The following ZNF90 variants were observed in gnomAD, a reference collection of about 807,000 sequenced individuals.
ZNF90 encodes the protein zinc finger protein HTF9.
ZNF90 carries 11 observed loss-of-function variants against 12.0 expected under a neutral mutation model. The observed-to-expected ratio is 0.92, with a 90% CI of 0.58 to 1.52. ZNF90 has a LOEUF of 1.52. Among genes scored for constraint, ZNF90 ranks in the 40% most tolerant of loss-of-function variants. The probability of loss-of-function intolerance (pLI) is 0.00; values close to 1 mark genes in which losing one functional copy is unlikely to be tolerated. For synonymous variants in ZNF90, 232 were observed against 240.1 expected (o/e 0.97, Z 0.31); for missense variants, 765 against 711.5 (o/e 1.08, Z -0.86).
chr19:20,110,817 C>G (rs2089082426), intron 3 of ZNF90, among the ~76,000 whole-genome samples: 2 of 151,976 alleles, frequency 1.3e-5, no homozygotes, highest in African/African-American at 2.4e-5. Flanking sequence ...AATGCTTTTT[C>G]TCATTTGTGT....
chr19:20,117,399 C>G (rs2089148623), intron 3 of ZNF90, among the ~76,000 whole-genome samples: 1 of 136,252 alleles, frequency 7.3e-6, no homozygotes, highest in Non-Finnish European at 1.5e-5. Flanking sequence ...TTTCTTTTCT[C>G]CTTCCTTCCT....
Position 20,118,342 on chromosome 19 carries a change from G to T in ZNF90, c.788G>T (p.Gly263Val), listed in dbSNP as rs1256396883. 1.3e-6 allele frequency: 2 copies of T among 1,558,868 alleles called. No individual in the cohort carries two copies. Among genetic ancestry groups the T allele is most frequent in the African/African-American group, 2.7e-5 (2 of 73,160 alleles). ...AAACGGTACAAATGTGAAGATTGTG[G>T]CAAAGAATTAAAGTATTCCTCTACC... ...GEKRYKCEDC[G>V]KELKYSSTLT... Residue 263 changes from glycine (G) to valine (V), a missense_variant, in exon 4 of 4, where the codon GGC becomes GTC. Gly to Val is a moderately radical substitution (Grantham distance 109). Coordinates refer to ENST00000418063, the MANE Select transcript of ZNF90 (RefSeq NM_007138.2).
At chr19:20,091,474 T>A (rs578220701) in intron 1 of ZNF90, among the ~76,000 whole-genome samples, 1 of 152,124 alleles carries the variant, frequency 6.6e-6, no homozygotes, top group Non-Finnish European at 1.5e-5. Flanking sequence ...ATTTGCCTTG[T>A]GTGGGAAGAG....
intron 1 of ZNF90, 68 bp downstream of exon 1, chr19:20,078,203 G>C (rs2088792126): frequency 1.2e-6 from 2 of 1,606,430 alleles, no homozygotes; most frequent in African/African-American, 2.7e-5. Flanking sequence ...AAGTGGCTGT[G>C]GCGGGACTTA....
Position 20,104,369 on chromosome 19 carries a change from A to T in ZNF90, c.130+4A>T. On this transcript the variant is annotated splice_donor_region_variant and intron_variant, in intron 2 of 3. Transcript: ENST00000418063. ...TACAGACACCTGGTCTTCCTTGGTG[A>T]GGATAAGTGGAATACATAATTCATA... The T allele has an allele frequency of 6.2e-7, 1 of 1,610,964 alleles. No individual in the cohort carries two copies. The highest frequency in any genetic ancestry group is 2.2e-5 in the East Asian group (1 of 44,796).
At chr19:20,115,693 GT>G (rs2089131223) in intron 3 of ZNF90, among the ~76,000 whole-genome samples, 2 of 151,552 alleles carry the variant, frequency 1.3e-5, no homozygotes, top group Non-Finnish European at 2.9e-5. Context: ...TAGTTTGTTT[GT>G]TCAGCTTTTT....
intron 1 of ZNF90, among the ~76,000 whole-genome samples, chr19:20,097,991 G>T (rs1336811470): frequency 2.6e-5 from 4 of 152,074 alleles, no homozygotes; most frequent in African/African-American, 9.7e-5. Flanking sequence ...AAATCTTCTT[G>T]TAACTGCTGC....
intron 3 of ZNF90, among the ~76,000 whole-genome samples, chr19:20,114,230 G>A (rs1035690658): frequency 2.6e-5 from 4 of 152,214 alleles, no homozygotes; most frequent in Admixed American, 2.6e-4. Flanking sequence ...AGTGGAGGTT[G>A]CAGTGAACCG....
rs150881511 is a variant in ZNF90, at chr19:20,119,496, T to A, written c.*136T>A. 2.3e-4 allele frequency: 178 copies of A among 759,476 alleles called. No individual in the cohort carries two copies. In the African/African-American group the frequency reaches 2.7e-3, roughly 12 times the overall value. The allele number at this position is 759,476 out of a possible 1,614,324, so 47.0% of individuals were successfully genotyped here. ...GAGAATTTATATGAAACATAACTCC[T>A]ACAAAAATAAAGAATGTGACAAATC... On this transcript the variant is annotated 3_prime_UTR_variant, in exon 4 of 4. Transcript: ENST00000418063.
rs1555704270 is a variant in ZNF90 at position 20,105,223 on chromosome 19, ATTG to A, written c.138_140del (p.Val47del). ...GTTATTTATTTTTAATAAAACAGGT[ATTG>A]TTGTCACTAAGCCAGACCTGATCAC... On this transcript the variant is annotated inframe_deletion, in exon 3 of 4. Transcript: ENST00000418063. 5 of 1,600,144 alleles carry A rather than the reference ATTG, an allele frequency of 3.1e-6. No homozygotes were observed. In the African/African-American group the frequency reaches 5.4e-5, roughly 17 times the overall value.
At chr19:20,106,147 TTTA>T (rs1241916828) in intron 3 of ZNF90, among the ~76,000 whole-genome samples, 2 of 151,372 alleles carry the variant, frequency 1.3e-5, no homozygotes, top group East Asian at 3.9e-4. Flanking sequence ...ATTTTTTCTT[TTTA>T]TTTTATGAGA....
At chr19:20,085,548 C>T (rs1315736542) in intron 1 of ZNF90, among the ~76,000 whole-genome samples, 1 of 152,146 alleles carries the variant, frequency 6.6e-6, no homozygotes, top group Non-Finnish European at 1.5e-5. Context: ...GCTTGAGCCA[C>T]CGCGCCCGGC....
intron 1 of ZNF90, among the ~76,000 whole-genome samples, chr19:20,088,913 A>C (rs553041910): frequency 1.3e-5 from 2 of 152,326 alleles, no homozygotes; most frequent in African/African-American, 4.8e-5. Context: ...TGTTGGTGTC[A>C]TGAGGGGAAC....
intron 3 of ZNF90, among the ~76,000 whole-genome samples, chr19:20,112,880 A>G (rs550715616): frequency 4.7e-4 from 71 of 152,168 alleles, no homozygotes; most frequent in African/African-American, 1.5e-3. Context: ...ACGGTATCCA[A>G]TAAGTTTTGT....
chr19:20,085,302 G>GAGACTGGAGTGC (rs2122476655), intron 1 of ZNF90, among the ~76,000 whole-genome samples: 1 of 101,374 alleles, frequency 9.9e-6, no homozygotes, highest in South Asian at 3.2e-4. Context: ...CTCTTTGGCC[G>GAGACTGGAGTGC]AGACTGGAGT....
chr19:20,107,398 C>T (rs1479739820), intron 3 of ZNF90, among the ~76,000 whole-genome samples: 4 of 152,128 alleles, frequency 2.6e-5, no homozygotes, highest in Non-Finnish European at 5.9e-5. Flanking sequence ...TAAATGAGGG[C>T]CTGCCTTCTG....
chr19:20,088,801 A>G (rs1409251929), intron 1 of ZNF90, among the ~76,000 whole-genome samples: 11 of 152,218 alleles, frequency 7.2e-5, no homozygotes, highest in African/African-American at 2.7e-4. Flanking sequence ...AGGTCGTGAC[A>G]GAGGTTGAAA....
intron 3 of ZNF90, among the ~76,000 whole-genome samples, chr19:20,106,555 G>A (rs979204586): frequency 2.0e-5 from 3 of 152,138 alleles, no homozygotes; most frequent in Admixed American, 1.3e-4. Context: ...CCAGGTTCAC[G>A]CCATTCTCCT....
chr19:20,110,994 T>G (rs1277721643), intron 3 of ZNF90, among the ~76,000 whole-genome samples: 1 of 152,250 alleles, frequency 6.6e-6, no homozygotes, highest in Non-Finnish European at 1.5e-5. Context: ...GAATTGTTTT[T>G]TAATATGCAG....
Sources: allele counts gnomAD v4.1 joint callset (sites outside exome capture counted in the v4.1 genomes callset), GRCh38; gene constraint gnomAD v4.1.1; transcripts MANE v1.5; gene names NCBI Gene and HGNC (gene_info 2026-07-23, HGNC 2026-07-21).